Variants in OPCML observed in about 807,000 individuals in gnomAD.
OPCML encodes opioid-binding protein/cell adhesion molecule.
Under a neutral mutation model 37.8 loss-of-function variants are expected in OPCML, and 13 were observed. That is an observed-to-expected ratio of 0.34 (90% CI 0.22 to 0.55). The LOEUF is 0.55. Among genes scored for constraint, OPCML ranks in the 20% least tolerant of loss-of-function variants. The probability of loss-of-function intolerance (pLI) is 0.91; values close to 1 mark genes in which losing one functional copy is unlikely to be tolerated. For synonymous variants in OPCML, 176 were observed against 168.8 expected, an observed-to-expected ratio of 1.04 and a Z score of -0.33; for missense variants, 341 against 435.6, an observed-to-expected ratio of 0.78 and a Z score of 1.93.
chr11:133,353,443 A>T (rs998423172), intron 1 of OPCML, among the ~76,000 whole-genome samples: 2 of 152,030 alleles, frequency 1.3e-5, no homozygotes, highest in African/African-American at 4.8e-5. Context: ...TACAGGCATG[A>T]GCCACCGTGA....
Position 132,675,670 on chromosome 11 carries a change from TAAG to T in OPCML, c.147-18354_147-18352del, listed in dbSNP as rs201933107. ...GCAATGAAAAATCTGAAAATGAAGT[TAAG>T]AAATCAATTTCATTTACAATACAAT... is the stretch of plus-strand genomic sequence containing the variant. On this transcript the variant is annotated intron_variant, in intron 2 of 7. Transcript: ENST00000524381. Among the ~76,000 whole-genome samples the T allele has an allele frequency of 4.2e-3, 639 of 152,246 alleles. 4 individuals are homozygous for T. The highest frequency in any genetic ancestry group is 0.015 in the African/African-American group (610 of 41,558).
In OPCML at chr11:132,529,173, G is replaced by A. The variant is rs2096316910; in HGVS notation, c.393C>T (p.Ile131=). ...VHLIVQVPPQ[I]MNISSDITVN... ...CAGTGATGTCTGAGGAGATATTCAT[G>A]ATCTGAGGAGGAACTGTAAGGAAAC... is the stretch of plus-strand genomic sequence containing the variant. Residue 131 remains isoleucine, a synonymous_variant, in exon 4 of 8, where the codon ATC becomes ATT. Coordinates refer to ENST00000524381, the MANE Select transcript of OPCML (RefSeq NM_001012393.5). 1 of 1,610,174 alleles carries A rather than the reference G, an allele frequency of 6.2e-7. No individual in the cohort carries two copies.
intron 1 of OPCML, among the ~76,000 whole-genome samples, chr11:132,995,790 G>A (rs1041714632): frequency 6.6e-6 from 1 of 152,158 alleles, no homozygotes; most frequent in Admixed American, 6.5e-5. Context: ...GATAGAAAGT[G>A]TGTCCAGGAT....
At chr11:133,182,250 T>C (rs1937867993) in intron 1 of OPCML, among the ~76,000 whole-genome samples, 1 of 152,222 alleles carries the variant, frequency 6.6e-6, no homozygotes, top group East Asian at 1.9e-4. Context: ...TAATCTCTTG[T>C]AGCTGAAATT....
chr11:133,178,501 A>G (rs184760625), intron 1 of OPCML, among the ~76,000 whole-genome samples: 18 of 152,168 alleles, frequency 1.2e-4, no homozygotes, highest in African/African-American at 4.3e-4. Flanking sequence ...AGTACAGAGT[A>G]GAATCACATT....
intron 4 of OPCML, among the ~76,000 whole-genome samples, chr11:132,517,150 T>C (rs2096281786): frequency 6.6e-6 from 1 of 152,212 alleles, no homozygotes; most frequent in Admixed American, 6.5e-5. Flanking sequence ...CTCAGTTAGA[T>C]ACTGCCCTCT....
intron 3 of OPCML, among the ~76,000 whole-genome samples, chr11:132,610,087 C>A (rs1371459197): frequency 1.3e-5 from 2 of 152,266 alleles, no homozygotes; most frequent in African/African-American, 4.8e-5. Context: ...CTGTGTAAAT[C>A]AAGCAACCAT....
chr11:132,661,555 C>T (rs1176356136), intron 2 of OPCML, among the ~76,000 whole-genome samples: 1 of 152,100 alleles, frequency 6.6e-6, no homozygotes, highest in Non-Finnish European at 1.5e-5. Context: ...GTCCTGGACT[C>T]TCATTAACAA....
chr11:133,124,356 C>CAGCCTGGT (rs1470035389), intron 1 of OPCML, among the ~76,000 whole-genome samples: 3 of 152,208 alleles, frequency 2.0e-5, no homozygotes, highest in Admixed American at 2.0e-4. Flanking sequence ...CCAACCACAG[C>CAGCCTGGT]AGCCTGGTAT....
At chr11:133,280,101 C>A (rs1164030272) in intron 1 of OPCML, among the ~76,000 whole-genome samples, 36 of 152,130 alleles carry the variant, frequency 2.4e-4, no homozygotes, top group Non-Finnish European at 1.5e-5. Context: ...TGGATATGGC[C>A]TCTGTTCTCA....
At chr11:132,895,859 C>G (rs971515273) in intron 2 of OPCML, among the ~76,000 whole-genome samples, 1 of 152,072 alleles carries the variant, frequency 6.6e-6, no homozygotes, top group Non-Finnish European at 1.5e-5. Context: ...TCCCAGCAGG[C>G]CCCTAGAGGT....
At chr11:133,110,155 G>C (rs1478726022) in intron 1 of OPCML, among the ~76,000 whole-genome samples, 1 of 152,264 alleles carries the variant, frequency 6.6e-6, no homozygotes, top group East Asian at 1.9e-4. Flanking sequence ...GAACAACCCT[G>C]TTCTGGTCCA....
chr11:132,766,904 G>C (rs966920442), intron 2 of OPCML, among the ~76,000 whole-genome samples: 1 of 152,198 alleles, frequency 6.6e-6, no homozygotes, highest in Non-Finnish European at 1.5e-5. Context: ...GTAATTGTAA[G>C]AGAATATCTT....
intron 1 of OPCML, among the ~76,000 whole-genome samples, chr11:133,064,156 G>A (rs1262613212): frequency 1.3e-5 from 2 of 152,230 alleles, no homozygotes; most frequent in African/African-American, 4.8e-5. Flanking sequence ...GGCTGAGTGA[G>A]GGGTGGAGCG....
At chr11:132,764,058 A>G (rs188242417) in intron 2 of OPCML, among the ~76,000 whole-genome samples, 23 of 152,328 alleles carry the variant, frequency 1.5e-4, no homozygotes, top group Admixed American at 1.2e-3. Flanking sequence ...GTATGTTGAG[A>G]TGTTCTTTAA....
chr11:132,880,483 G>T (rs1025920720), intron 2 of OPCML, among the ~76,000 whole-genome samples: 56 of 152,204 alleles, frequency 3.7e-4, no homozygotes, highest in Non-Finnish European at 6.5e-4. Context: ...GGAAACACAT[G>T]AGGATTCATA....
chr11:132,802,550 CT>C (rs1178418680), intron 2 of OPCML, among the ~76,000 whole-genome samples: 1 of 152,186 alleles, frequency 6.6e-6, no homozygotes, highest in African/African-American at 2.4e-5. Flanking sequence ...TACAACATCT[CT>C]CCCTTTTAGA....
intron 2 of OPCML, among the ~76,000 whole-genome samples, chr11:132,799,913 C>T (rs549149967): frequency 3.4e-4 from 51 of 152,150 alleles, no homozygotes; most frequent in African/African-American, 1.2e-3. Flanking sequence ...ATTCTGGGCC[C>T]CTTATATTTC....
At chr11:132,659,144 C>A (rs1230774612) in intron 2 of OPCML, among the ~76,000 whole-genome samples, 1 of 152,128 alleles carries the variant, frequency 6.6e-6, no homozygotes, top group Non-Finnish European at 1.5e-5. Context: ...CATGTTATCT[C>A]CTCCACATCG....
Sources: gnomAD v4.1 joint callset for allele counts (sites outside exome capture counted in the v4.1 genomes callset) on GRCh38, gnomAD v4.1.1 for gene constraint, MANE v1.5 for transcripts, NCBI Gene and HGNC (gene_info 2026-07-23, HGNC 2026-07-21) for gene names.